RBFOX1: variants seen among roughly 807,000 people sequenced by gnomAD.
RBFOX1 encodes the protein RNA binding protein fox-1 homolog 1.
RBFOX1 carries 8 observed loss-of-function variants against 57.7 expected under a neutral mutation model. The ratio of observed to expected loss-of-function variants is 0.14; its 90% CI spans 0.08 to 0.25. RBFOX1 has a LOEUF of 0.25. Among genes scored for constraint, RBFOX1 ranks in the 10% least tolerant of loss-of-function variants. RBFOX1 has a pLI of 1.00. For missense variants in RBFOX1, 611 were observed against 548.5 expected (o/e 1.11, Z -1.14); for synonymous variants, 326 against 222.4 (o/e 1.47, Z -4.15).
intron 11 of RBFOX1, among the ~76,000 whole-genome samples, chr16:7,638,612 T>C (rs943070913): frequency 3.3e-5 from 5 of 152,114 alleles, no homozygotes; most frequent in African/African-American, 1.2e-4. Context: ...AGCAAAATTA[T>C]TCTGTAAAAG....
At chr16:6,991,263 T>G (rs1034987086) in intron 3 of RBFOX1, among the ~76,000 whole-genome samples, 6 of 150,926 alleles carry the variant, frequency 4.0e-5, no homozygotes, top group African/African-American at 1.5e-4. Context: ...CCATGCCACG[T>G]CACTCCAGCC....
intron 4 of RBFOX1, among the ~76,000 whole-genome samples, chr16:7,468,816 G>C (rs1376376190): frequency 6.6e-6 from 1 of 152,114 alleles, no homozygotes; most frequent in African/African-American, 2.4e-5. Context: ...TCTTTTGGGT[G>C]GATGCCACTG....
intron 4 of RBFOX1, among the ~76,000 whole-genome samples, chr16:5,984,946 T>TTATATATATATATATATATATATA (rs61004841): frequency 1.4e-5 from 1 of 69,674 alleles, no homozygotes; most frequent in African/African-American, 7.2e-5. Flanking sequence ...GGCAACTCCA[T>TTATATATATATATATATATATATA]TATATATATA....
chr16:6,338,877 C>A (rs910723528), intron 2 of RBFOX1, among the ~76,000 whole-genome samples: 1 of 152,106 alleles, frequency 6.6e-6, no homozygotes, highest in African/African-American at 2.4e-5. Flanking sequence ...TAAAAGTTTT[C>A]TTCATTGAAT....
intron 1 of RBFOX1, among the ~76,000 whole-genome samples, chr16:6,163,656 G>A (rs991544608): frequency 6.6e-6 from 1 of 152,148 alleles, no homozygotes; most frequent in Non-Finnish European, 1.5e-5. Flanking sequence ...ACTGGTTATT[G>A]TTATTTGTTC....
Position 6,210,344 on chromosome 16 carries a change from AC to A in RBFOX1, c.-126-106650del, listed in dbSNP as rs1391371475. ...AAAAAAAAAACAAAAAAACAAAAAA[AC>A]AAAAAAAAAAAACACCAAAAAAAAA... On this transcript the variant is annotated intron_variant, in intron 1 of 15. Transcript: ENST00000550418. Among the ~76,000 whole-genome samples, 36 of 80,342 alleles carry A rather than the reference AC, an allele frequency of 4.5e-4. 1 individual carries two copies. Among genetic ancestry groups the A allele is most frequent in the Non-Finnish European group, 1.0e-3 (31 of 30,726 alleles). 52.7% of individuals were successfully genotyped at this position (80,342 alleles called of 152,430 possible).
intron 1 of RBFOX1, among the ~76,000 whole-genome samples, chr16:6,276,674 T>C (rs185568442): frequency 1.6e-3 from 238 of 152,264 alleles, no homozygotes; most frequent in African/African-American, 5.5e-3. Context: ...GATTCATATT[T>C]ATCCCACACA....
chr16:7,175,102 A>G (rs929014718), intron 4 of RBFOX1, among the ~76,000 whole-genome samples: 1 of 152,000 alleles, frequency 6.6e-6, no homozygotes, highest in Non-Finnish European at 1.5e-5. Flanking sequence ...TTACATAGGT[A>G]AATGTATGTC....
intron 2 of RBFOX1, among the ~76,000 whole-genome samples, chr16:5,597,741 G>A (rs1276824673): frequency 3.9e-5 from 6 of 152,066 alleles, no homozygotes; most frequent in Non-Finnish European, 8.8e-5. Context: ...AGTTGATGGT[G>A]GCCAGCTTTA....
At chr16:5,797,363 G>C (rs1349766681) in intron 3 of RBFOX1, among the ~76,000 whole-genome samples, 1 of 152,198 alleles carries the variant, frequency 6.6e-6, no homozygotes, top group African/African-American at 2.4e-5. Context: ...CCACTTCAAG[G>C]ACCGTCTTGG....
intron 3 of RBFOX1, among the ~76,000 whole-genome samples, chr16:5,678,528 G>C (rs1440530584): frequency 6.6e-6 from 1 of 152,182 alleles, no homozygotes; most frequent in Admixed American, 6.5e-5. Context: ...TTTCAAGTTA[G>C]AACCCGGTTC....
chr16:6,522,294 A>G (rs918340353), intron 2 of RBFOX1, among the ~76,000 whole-genome samples: 1 of 151,958 alleles, frequency 6.6e-6, no homozygotes, highest in Non-Finnish European at 1.5e-5. Context: ...ATTAATTCAG[A>G]AGTGATGGGA....
intron 4 of RBFOX1, among the ~76,000 whole-genome samples, chr16:7,495,387 T>A (rs1048904007): frequency 2.0e-5 from 3 of 152,212 alleles, no homozygotes; most frequent in African/African-American, 7.2e-5. Context: ...CTTTGAGAAA[T>A]ACTCAAACAG....
chr16:7,483,477 C>T (rs766594349), intron 4 of RBFOX1, among the ~76,000 whole-genome samples: 41 of 152,230 alleles, frequency 2.7e-4, no homozygotes, highest in South Asian at 1.7e-3. Context: ...TGTCTTGGAC[C>T]TAAAAAGCAG....
At chr16:5,454,260 C>G (rs903874999) in intron 1 of RBFOX1, among the ~76,000 whole-genome samples, 5 of 152,218 alleles carry the variant, frequency 3.3e-5, no homozygotes, top group Admixed American at 2.0e-4. Flanking sequence ...TAGTGTCTAT[C>G]AAGAGATATT....
At chr16:6,495,668 T>C (rs942338526) in intron 2 of RBFOX1, among the ~76,000 whole-genome samples, 3 of 152,212 alleles carry the variant, frequency 2.0e-5, no homozygotes, top group African/African-American at 7.2e-5. Flanking sequence ...GGATGCCTCT[T>C]ATGGCTTTTG....
intron 4 of RBFOX1, among the ~76,000 whole-genome samples, chr16:7,212,837 T>C (rs1011634619): frequency 6.6e-6 from 1 of 151,948 alleles, no homozygotes; most frequent in African/African-American, 2.4e-5. Context: ...TAGAGTAAAA[T>C]CAAAAAATAA....
intron 1 of RBFOX1, among the ~76,000 whole-genome samples, chr16:6,044,954 G>T (rs1025490784): frequency 6.6e-6 from 1 of 152,186 alleles, no homozygotes; most frequent in Non-Finnish European, 1.5e-5. Context: ...CTATGTCAGT[G>T]GCTCTCACTA....
chr16:6,803,513 C>G (rs1318201179), intron 3 of RBFOX1, among the ~76,000 whole-genome samples: 2 of 152,130 alleles, frequency 1.3e-5, no homozygotes, highest in East Asian at 1.9e-4. Flanking sequence ...TGTGTATAAT[C>G]TAGATTTCCA....
Sources: gnomAD v4.1 joint callset for allele counts (sites outside exome capture counted in the v4.1 genomes callset) on GRCh38, gnomAD v4.1.1 for gene constraint, MANE v1.5 for transcripts, NCBI Gene and HGNC (gene_info 2026-07-23, HGNC 2026-07-21) for gene names.